The following GRID2 variants were observed in gnomAD, a reference collection of about 807,000 sequenced individuals.
The protein encoded by GRID2 is glutamate receptor ionotropic, delta-2.
A neutral mutation model predicts 114.8 loss-of-function variants in GRID2; 33 were observed. That is an observed-to-expected ratio of 0.29 (90% CI 0.22 to 0.38). The LOEUF (loss-of-function observed/expected upper bound fraction) is 0.38. Ranked by LOEUF, GRID2 falls within the 10% of genes least tolerant of loss-of-function variation. GRID2 has a pLI of 1.00. For missense variants in GRID2, 1,184 were observed against 1,257.7 expected, an observed-to-expected ratio of 0.94 and a Z score of 0.89; for synonymous variants, 505 against 449.9, an observed-to-expected ratio of 1.12 and a Z score of -1.55.
intron 1 of GRID2, among the ~76,000 whole-genome samples, chr4:92,494,631 G>C (rs1227192757): frequency 6.6e-6 from 1 of 152,050 alleles, no homozygotes; most frequent in Non-Finnish European, 1.5e-5. Context: ...TAATTCTGCT[G>C]ATATAATTGC....
At chr4:93,512,629 G>C (rs1393459890) in intron 12 of GRID2, among the ~76,000 whole-genome samples, 1 of 152,084 alleles carries the variant, frequency 6.6e-6, no homozygotes, top group Non-Finnish European at 1.5e-5. Context: ...AACTACTAGA[G>C]GGAACATGCC....
chr4:92,600,054 A>ATATATATATATATATATATGTGTG (rs1729147260), intron 2 of GRID2, among the ~76,000 whole-genome samples: 1 of 113,100 alleles, frequency 8.8e-6, no homozygotes, highest in African/African-American at 3.9e-5. Context: ...GTATATATAT[A>ATATATATATATATATATATGTGTG]TATATATATA....
intron 11 of GRID2, among the ~76,000 whole-genome samples, chr4:93,475,584 C>A (rs1332990521): frequency 1.3e-5 from 2 of 152,088 alleles, no homozygotes; most frequent in East Asian, 3.9e-4. Flanking sequence ...AATGTATTGG[C>A]ATTCTCTGAC....
chr4:92,315,485 G>A (rs200207866), intron 1 of GRID2, among the ~76,000 whole-genome samples: 2 of 152,230 alleles, frequency 1.3e-5, no homozygotes, highest in East Asian at 3.9e-4. Context: ...AGCTTCTTGG[G>A]GTGGTGAAAT....
chr4:93,652,682 A>G (rs1722679462), intron 14 of GRID2, among the ~76,000 whole-genome samples: 1 of 151,298 alleles, frequency 6.6e-6, no homozygotes, highest in Non-Finnish European at 1.5e-5. Flanking sequence ...TAAGCAGCAC[A>G]TGACTATGTC....
chr4:93,675,295 T>A (rs918539792), intron 14 of GRID2, among the ~76,000 whole-genome samples: 2 of 151,822 alleles, frequency 1.3e-5, no homozygotes, highest in Non-Finnish European at 2.9e-5. Flanking sequence ...ATATCCACAT[T>A]ATCTAACAGT....
chr4:93,459,737 ACT>A (rs1723563749), intron 11 of GRID2, among the ~76,000 whole-genome samples: 1 of 152,090 alleles, frequency 6.6e-6, no homozygotes, highest in Non-Finnish European at 1.5e-5. Context: ...TACCTAGGCA[ACT>A]CTCTGACTAT....
chr4:92,752,200 T>G (rs181866278), intron 2 of GRID2, among the ~76,000 whole-genome samples: 3 of 152,276 alleles, frequency 2.0e-5, no homozygotes, highest in African/African-American at 7.2e-5. Flanking sequence ...TCATGAAACT[T>G]CAATTCAGTA....
intron 3 of GRID2, among the ~76,000 whole-genome samples, chr4:93,099,431 A>G (rs988428145): frequency 6.6e-6 from 1 of 151,884 alleles, no homozygotes; most frequent in African/African-American, 2.4e-5. Context: ...CTATTCTGCA[A>G]CAAGGTTGGT....
At chr4:93,478,574 A>C (rs1195291910) in intron 11 of GRID2, among the ~76,000 whole-genome samples, 1 of 151,352 alleles carries the variant, frequency 6.6e-6, no homozygotes, top group Non-Finnish European at 1.5e-5. Flanking sequence ...ATATGATAAA[A>C]TATTAAATTA....
chr4:92,625,033 C>T (rs184475801), intron 2 of GRID2, among the ~76,000 whole-genome samples: 37 of 151,634 alleles, frequency 2.4e-4, no homozygotes, highest in Non-Finnish European at 4.6e-4. Context: ...AATTCATTTT[C>T]TCACTGTGAT....
At chr4:92,971,893 A>G (rs1435369627) in intron 2 of GRID2, among the ~76,000 whole-genome samples, 1 of 152,134 alleles carries the variant, frequency 6.6e-6, no homozygotes, top group Non-Finnish European at 1.5e-5. Flanking sequence ...GCAGAATAGT[A>G]TTCTATTGTG....
intron 13 of GRID2, among the ~76,000 whole-genome samples, chr4:93,568,279 G>A (rs1379587888): frequency 6.6e-6 from 1 of 152,152 alleles, no homozygotes; most frequent in African/African-American, 2.4e-5. Context: ...CTAGGAAAAG[G>A]AAGGCACACA....
chr4:92,677,185 A>C (rs764367270), intron 2 of GRID2, among the ~76,000 whole-genome samples: 33 of 152,296 alleles, frequency 2.2e-4, no homozygotes, highest in Admixed American at 6.5e-4. Flanking sequence ...AGTTCTGAAG[A>C]TGGATGGTGG....
intron 2 of GRID2, among the ~76,000 whole-genome samples, chr4:93,002,640 C>T (rs184857672): frequency 2.4e-3 from 356 of 151,432 alleles, no homozygotes; most frequent in Admixed American, 3.9e-3. Flanking sequence ...TTTTTCCCCC[C>T]GGTACTTGAA....
At chr4:92,991,453 A>G (rs1754900178) in intron 2 of GRID2, among the ~76,000 whole-genome samples, 1 of 152,222 alleles carries the variant, frequency 6.6e-6, no homozygotes, top group South Asian at 2.1e-4. Context: ...TATCTGACGA[A>G]GTCCACACCA....
At chr4:92,435,140 T>C (rs1275513523) in intron 1 of GRID2, among the ~76,000 whole-genome samples, 1 of 152,162 alleles carries the variant, frequency 6.6e-6, no homozygotes, top group Non-Finnish European at 1.5e-5. Context: ...GGGCACCCCA[T>C]CTGCAGTTTT....
At chr4:92,458,882 G>A (rs918637220) in intron 1 of GRID2, among the ~76,000 whole-genome samples, 3 of 152,094 alleles carry the variant, frequency 2.0e-5, no homozygotes, top group Non-Finnish European at 4.4e-5. Context: ...TAAATAAAAT[G>A]TCCTTAAAGA....
intron 2 of GRID2, among the ~76,000 whole-genome samples, chr4:93,079,605 A>G (rs1365105274): frequency 1.3e-5 from 2 of 152,058 alleles, no homozygotes; most frequent in Non-Finnish European, 2.9e-5. Context: ...CACTAGTGGT[A>G]TGATGGACAA....
Sources: allele counts gnomAD v4.1 joint callset (sites outside exome capture counted in the v4.1 genomes callset), GRCh38; gene constraint gnomAD v4.1.1; transcripts MANE v1.5; gene names NCBI Gene and HGNC (gene_info 2026-07-23, HGNC 2026-07-21).